AGBL1: variants seen among roughly 807,000 people sequenced by gnomAD.
AGBL1 encodes the protein cytosolic carboxypeptidase 4.
Under a neutral mutation model 118.9 loss-of-function variants are expected in AGBL1, and 130 were observed. That is an observed-to-expected ratio of 1.09 (90% CI 0.95 to 1.26). AGBL1 has a LOEUF of 1.26. Among genes scored for constraint, AGBL1 ranks in the 50% most tolerant of loss-of-function variants. The pLI, the probability that AGBL1 is intolerant of heterozygous loss-of-function variation, is 0.00. For synonymous variants in AGBL1, 555 were observed against 478.9 expected (o/e 1.16, Z -2.08); for missense variants, 1,584 against 1,298.1 (o/e 1.22, Z -3.38).
At chr15:86,692,183 CA>C (rs1001371785) in intron 22 of AGBL1, among the ~76,000 whole-genome samples, 1 of 151,458 alleles carries the variant, frequency 6.6e-6, no homozygotes, top group Non-Finnish European at 1.5e-5. Context: ...ATCTCAAAAA[CA>C]AAAAACAAAA....
At chr15:87,026,776 TATATATACACAGTGGA>T (rs1412559263) in intron 24 of AGBL1, among the ~76,000 whole-genome samples, 1 of 152,050 alleles carries the variant, frequency 6.6e-6, no homozygotes, top group African/African-American at 2.4e-5. Flanking sequence ...GAAACTGTGG[TATATATACACAGTGGA>T]ATACTACTCA....
At chr15:86,662,126 G>A (rs2085553232) in intron 21 of AGBL1, among the ~76,000 whole-genome samples, 2 of 152,224 alleles carry the variant, frequency 1.3e-5, no homozygotes, top group Non-Finnish European at 1.5e-5. Context: ...GATTTCAGCT[G>A]GAAAAAGAGA....
At chr15:86,330,631 A>T (rs2080254803) in intron 17 of AGBL1, among the ~76,000 whole-genome samples, 1 of 152,228 alleles carries the variant, frequency 6.6e-6, no homozygotes, top group Admixed American at 6.5e-5. Flanking sequence ...GTCTCTAACC[A>T]AAATGGAAAC....
At chr15:86,571,202 TC>T (rs999112068) in intron 21 of AGBL1, among the ~76,000 whole-genome samples, 2 of 152,198 alleles carry the variant, frequency 1.3e-5, no homozygotes, top group Non-Finnish European at 2.9e-5. Flanking sequence ...CCCAGGGAGC[TC>T]CCAGGTCTGA....
intron 17 of AGBL1, among the ~76,000 whole-genome samples, chr15:86,302,653 C>A (rs2079768680): frequency 6.6e-6 from 1 of 151,830 alleles, no homozygotes. Flanking sequence ...GTGGCACGCA[C>A]CTGTACTCCC....
At chr15:86,729,001 A>G (rs1221658353) in intron 22 of AGBL1, among the ~76,000 whole-genome samples, 2 of 152,220 alleles carry the variant, frequency 1.3e-5, no homozygotes. Flanking sequence ...ATTGATATTC[A>G]TTGGATAAAT....
At chr15:86,715,623 C>T (rs949149241) in intron 22 of AGBL1, among the ~76,000 whole-genome samples, 2 of 152,028 alleles carry the variant, frequency 1.3e-5, no homozygotes, top group African/African-American at 2.4e-5. Flanking sequence ...AAGAAGATAG[C>T]TTGGTGGATC....
intron 22 of AGBL1, among the ~76,000 whole-genome samples, chr15:86,733,007 AAT>A (rs968528611): frequency 6.7e-6 from 1 of 148,814 alleles, no homozygotes; most frequent in African/African-American, 2.4e-5. Context: ...TCTTATATAT[AAT>A]ATCTCTATAT....
intron 18 of AGBL1, among the ~76,000 whole-genome samples, chr15:86,448,123 C>T (rs916266001): frequency 4.6e-5 from 7 of 151,964 alleles, no homozygotes; most frequent in Admixed American, 6.5e-5. Flanking sequence ...CCAGCCTGGA[C>T]GACAGAGCAA....
chr15:86,215,772 A>T (rs2141901136), intron 5 of AGBL1, among the ~76,000 whole-genome samples: 1 of 152,360 alleles, frequency 6.6e-6, no homozygotes, highest in African/African-American at 2.4e-5. Flanking sequence ...AATCTAAAAC[A>T]TATCCACGTG....
At chr15:86,605,710 G>A (rs866613883) in intron 21 of AGBL1, among the ~76,000 whole-genome samples, 11 of 152,112 alleles carry the variant, frequency 7.2e-5, no homozygotes, top group Admixed American at 2.0e-4. Flanking sequence ...TCAGAATATC[G>A]CAAAAAGTTC....
intron 18 of AGBL1, among the ~76,000 whole-genome samples, chr15:86,405,732 G>C (rs947701859): frequency 4.6e-5 from 7 of 152,030 alleles, no homozygotes; most frequent in African/African-American, 1.7e-4. Context: ...ATACAGCCAA[G>C]ATAATAGGTG....
chr15:86,735,511 A>G (rs187323572), intron 22 of AGBL1, among the ~76,000 whole-genome samples: 4 of 151,442 alleles, frequency 2.6e-5, no homozygotes, highest in South Asian at 4.2e-4. Flanking sequence ...CTATCTATCT[A>G]TCTATCTATA....
intron 23 of AGBL1, among the ~76,000 whole-genome samples, chr15:86,987,718 C>T (rs566119988): frequency 7.9e-5 from 12 of 152,200 alleles, no homozygotes; most frequent in African/African-American, 2.9e-4. Flanking sequence ...CGGTACCATA[C>T]ATTCCTGACA....
At position 86,092,404 on chromosome 15, in the gene AGBL1, G is replaced by C. The variant is rs546445119; in HGVS notation, c.51+12381G>C. Among the ~76,000 whole-genome samples the C allele has an allele frequency of 2.6e-5, 4 of 152,168 alleles. No individual in the cohort carries two copies. In the East Asian group the frequency reaches 7.7e-4, roughly 29 times the overall value. ...GATCTCTAACCTTCCATGAACCTCT[G>C]CTCTTAAATAATGGTAGGTTAGATA... On this transcript the variant is annotated intron_variant, in intron 1 of 22. Transcript: ENST00000614907.
intron 17 of AGBL1, among the ~76,000 whole-genome samples, chr15:86,308,463 A>G (rs1232946104): frequency 6.6e-6 from 1 of 152,212 alleles, no homozygotes; most frequent in Non-Finnish European, 1.5e-5. Flanking sequence ...GCACTCTGCT[A>G]TCAGACTTCC....
chr15:86,582,709 T>C (rs983320527), intron 21 of AGBL1, among the ~76,000 whole-genome samples: 1 of 152,036 alleles, frequency 6.6e-6, no homozygotes, highest in Non-Finnish European at 1.5e-5. Context: ...ATGTCCTTTG[T>C]AGGGACATGG....
intron 17 of AGBL1, among the ~76,000 whole-genome samples, chr15:86,396,850 A>G (rs904929147): frequency 2.6e-5 from 4 of 152,202 alleles, no homozygotes; most frequent in African/African-American, 9.6e-5. Context: ...GTGAGAGATG[A>G]AGATAATCAA....
intron 8 of AGBL1, among the ~76,000 whole-genome samples, chr15:86,257,718 G>C (rs1200784563): frequency 6.6e-6 from 1 of 152,074 alleles, no homozygotes; most frequent in Non-Finnish European, 1.5e-5. Context: ...CATTTTTTCT[G>C]CACTTATTTT....
Sources: gnomAD v4.1 joint callset for allele counts (sites outside exome capture counted in the v4.1 genomes callset) on GRCh38, gnomAD v4.1.1 for gene constraint, MANE v1.5 for transcripts, NCBI Gene and HGNC (gene_info 2026-07-23, HGNC 2026-07-21) for gene names.